ITCH: variants seen among roughly 807,000 people sequenced by gnomAD.
ITCH encodes the protein E3 ubiquitin-protein ligase Itchy homolog.
A neutral mutation model predicts 126.8 loss-of-function variants in ITCH; 28 were observed. The ratio of observed to expected loss-of-function variants is 0.22; its 90% CI spans 0.16 to 0.30. The LOEUF is 0.30. Among genes scored for constraint, ITCH ranks in the 10% least tolerant of loss-of-function variants. The probability of loss-of-function intolerance (pLI) is 1.00; values close to 1 mark genes in which losing one functional copy is unlikely to be tolerated. For synonymous variants in ITCH, 342 were observed against 340.0 expected (o/e 1.01, Z -0.06); for missense variants, 631 against 1,032.4 (o/e 0.61, Z 5.33).
In ITCH at chr20:34,510,060, C is replaced by T. The variant is rs1050640059; in HGVS notation, c.*2266C>T. The T allele has an allele frequency of 6.6e-6, 1 of 152,512 alleles. No homozygotes were observed. Among genetic ancestry groups the T allele is most frequent in the Non-Finnish European group, 1.5e-5 (1 of 68,020 alleles). The allele number at this position is 152,512 out of a possible 1,614,324, so 9.4% of individuals were successfully genotyped here. ...ATTTGAAGTAGCCCTGGCCCTAGTT[C>T]TATAGGGCTTGGCTATTTAATATTT... is the stretch of plus-strand genomic sequence containing the variant. On this transcript the variant is annotated 3_prime_UTR_variant, in exon 25 of 25. Transcript: ENST00000374864.
At chr20:34,487,828 A>G (rs905311525) in intron 20 of ITCH, among the ~76,000 whole-genome samples, 1 of 152,162 alleles carries the variant, frequency 6.6e-6, no homozygotes, top group Non-Finnish European at 1.5e-5. Context: ...AATCCCAGCT[A>G]CTTGGGAGGC....
At chr20:34,368,365 G>A (rs2037496334) in intron 1 of ITCH, among the ~76,000 whole-genome samples, 1 of 150,538 alleles carries the variant, frequency 6.6e-6, no homozygotes, top group Admixed American at 6.6e-5. Flanking sequence ...CTAAGTCTCT[G>A]TTTTGGGTTT....
intron 6 of ITCH, among the ~76,000 whole-genome samples, chr20:34,418,783 C>T (rs1266991414): frequency 1.2e-4 from 10 of 81,114 alleles, no homozygotes; most frequent in Admixed American, 3.7e-4. Context: ...TTTTGTGAGA[C>T]GGGGTTTCGC....
intron 16 of ITCH, chr20:34,476,452 C>T (rs753876332): frequency 1.4e-4 from 166 of 1,217,070 alleles, no homozygotes; most frequent in Non-Finnish European, 1.6e-4. Flanking sequence ...GCGCAGCAGC[C>T]GGGCGCCCCC....
intron 2 of ITCH, among the ~76,000 whole-genome samples, chr20:34,392,301 T>G (rs759197975): frequency 1.9e-4 from 29 of 152,232 alleles, no homozygotes; most frequent in Non-Finnish European, 3.7e-4. Context: ...AAGAGGGTTC[T>G]TTTAGCAGAT....
chr20:34,466,977 C>T (rs1228036108), intron 14 of ITCH, among the ~76,000 whole-genome samples: 5 of 151,718 alleles, frequency 3.3e-5, no homozygotes, highest in Admixed American at 3.3e-4. Flanking sequence ...ATGGAGCGCC[C>T]AAAGCTAGAA....
intron 2 of ITCH, among the ~76,000 whole-genome samples, chr20:34,379,901 C>A (rs920525421): frequency 1.4e-5 from 2 of 140,680 alleles, no homozygotes; most frequent in East Asian, 4.4e-4. Context: ...CCGGCCCCCC[C>A]CCCCCTTTTT....
Position 34,509,470 on chromosome 20 carries a change from GAAC to G in ITCH, c.*1682_*1684del, listed in dbSNP as rs1249223487. 5 of 152,550 alleles carry G rather than the reference GAAC, an allele frequency of 3.3e-5. No individual in the cohort carries two copies. The highest frequency in any genetic ancestry group is 1.2e-4 in the African/African-American group (5 of 41,426). The allele number at this position is 152,550 out of a possible 1,614,324, so 9.4% of individuals were successfully genotyped here. ...CTAATGTTCTTCCTTTTACATCCTG[GAAC>G]AACAATAAAAACATTTTTTTAAACT... On this transcript the variant is annotated 3_prime_UTR_variant, in exon 25 of 25. Transcript: ENST00000374864.
At chr20:34,420,400 G>A (rs1023032453) in intron 6 of ITCH, among the ~76,000 whole-genome samples, 5 of 152,194 alleles carry the variant, frequency 3.3e-5, no homozygotes, top group African/African-American at 1.2e-4. Context: ...TGTAGAATGT[G>A]TCAGTACTTC....
intron 16 of ITCH, among the ~76,000 whole-genome samples, chr20:34,472,372 TAAAAAAAAA>T (rs527802058): frequency 1.3e-5 from 1 of 79,690 alleles, no homozygotes; most frequent in African/African-American, 4.4e-5. Flanking sequence ...CATCTCAATT[TAAAAAAAAA>T]AAAAAAAAAA....
chr20:34,495,323 GCACA>G (rs938217991), intron 23 of ITCH, among the ~76,000 whole-genome samples: 2 of 88,772 alleles, frequency 2.3e-5, no homozygotes, highest in Non-Finnish European at 5.2e-5. Flanking sequence ...ATATACACAC[GCACA>G]CACACACACG....
Position 34,370,068 on chromosome 20 carries a change from C to T in ITCH, c.-22+598C>T, listed in dbSNP as rs541845735. ...GCAGTAAGCCATGATCACGCCACTG[C>T]ACTCCAGCCTGGGTGACAGAGTGAG... is the stretch of plus-strand genomic sequence containing the variant. On this transcript the variant is annotated intron_variant, in intron 2 of 24. Transcript: ENST00000374864. Among the ~76,000 whole-genome samples, 14 of 149,288 alleles carry T rather than the reference C, an allele frequency of 9.4e-5. No homozygotes were observed. In the South Asian group the frequency reaches 3.0e-3, roughly 32 times the overall value.
At chr20:34,370,619 G>A (rs989073990) in intron 2 of ITCH, among the ~76,000 whole-genome samples, 31 of 149,648 alleles carry the variant, frequency 2.1e-4, no homozygotes, top group Admixed American at 1.5e-3. Context: ...AGCCAAGATC[G>A]TGCCACTATA....
chr20:34,504,446 GTT>G (rs1990490900), intron 24 of ITCH, 43 bp downstream of exon 24: 1 of 1,272,642 alleles, frequency 7.9e-7, no homozygotes, highest in African/African-American at 1.5e-5. Flanking sequence ...CTTTTGTCCA[GTT>G]ATCTGTAGCT....
chr20:34,504,229 G>A (rs557096739), intron 23 of ITCH, 102 bp from the exon 24 acceptor site: 5 of 866,856 alleles, frequency 5.8e-6, no homozygotes, highest in Non-Finnish European at 9.8e-6. Context: ...AGGATTTATG[G>A]TTCTAACAAG....
chr20:34,384,928 T>C (rs1262216955), intron 2 of ITCH, among the ~76,000 whole-genome samples: 5 of 152,012 alleles, frequency 3.3e-5, no homozygotes, highest in Non-Finnish European at 7.4e-5. Context: ...TCCTAAAATG[T>C]TGGGATTACA....
intron 14 of ITCH, among the ~76,000 whole-genome samples, chr20:34,469,670 C>G (rs1405087535): frequency 6.6e-6 from 1 of 152,070 alleles, no homozygotes; most frequent in African/African-American, 2.4e-5. Context: ...GAAATGTAGT[C>G]TTTATTATAT....
At chr20:34,368,599 A>G (rs1406606779) in intron 1 of ITCH, among the ~76,000 whole-genome samples, 1 of 152,156 alleles carries the variant, frequency 6.6e-6, no homozygotes, top group Non-Finnish European at 1.5e-5. Context: ...GCTTTCAGCT[A>G]AAAACGTTAA....
chr20:34,488,661 C>A (rs1220884859), intron 20 of ITCH, among the ~76,000 whole-genome samples: 1 of 151,920 alleles, frequency 6.6e-6, no homozygotes, highest in Non-Finnish European at 1.5e-5. Flanking sequence ...TGCAGTGAGC[C>A]CAGATTGTAT....
Sources: gnomAD v4.1 joint callset for allele counts (sites outside exome capture counted in the v4.1 genomes callset) on GRCh38, gnomAD v4.1.1 for gene constraint, MANE v1.5 for transcripts, NCBI Gene and HGNC (gene_info 2026-07-23, HGNC 2026-07-21) for gene names.